Variants in MALRD1 observed in about 807,000 individuals in gnomAD.
MALRD1 encodes MAM and LDL-receptor class A domain-containing protein 1.
Under a neutral mutation model 242.1 loss-of-function variants are expected in MALRD1, and 247 were observed. The ratio of observed to expected loss-of-function variants is 1.02; its 90% CI spans 0.92 to 1.13. The LOEUF is 1.13. Among genes scored for constraint, MALRD1 ranks in the 50% most tolerant of loss-of-function variants. The pLI is 0.00. For synonymous variants in MALRD1, 995 were observed against 866.6 expected (o/e 1.15, Z -2.60); for missense variants, 2,989 against 2,533.1 (o/e 1.18, Z -3.86).
chr10:19,730,589 A>G (rs1564575964), intron 38 of MALRD1, 117 bp from the exon 39 acceptor site: 3 of 1,057,602 alleles, frequency 2.8e-6, no homozygotes, highest in Admixed American at 2.0e-5. Flanking sequence ...ATTCATGAAA[A>G]TAAGTGTGCT....
chr10:19,297,832 G>GA (rs993475108), intron 21 of MALRD1, among the ~76,000 whole-genome samples: 7 of 151,418 alleles, frequency 4.6e-5, no homozygotes, highest in Admixed American at 2.6e-4. Context: ...TCCAGAAAGG[G>GA]AAAAAAAAGG....
At chr10:19,130,441 A>G (rs1392603989) in intron 8 of MALRD1, among the ~76,000 whole-genome samples, 1 of 152,154 alleles carries the variant, frequency 6.6e-6, no homozygotes, top group African/African-American at 2.4e-5. Flanking sequence ...TTTAAATTAC[A>G]GTTCAAATGG....
rs573164849 is a variant in MALRD1, at chr10:19,255,501, G to A, written c.2992-2183G>A. On this transcript the variant is annotated intron_variant, in intron 18 of 39. Transcript: ENST00000454679. ...AAGACTAAAATATAGGGTTAAAGTA[G>A]GGTTAAACCTTAACAGTCATAACTT... is the stretch of plus-strand genomic sequence containing the variant. 5.3e-5 allele frequency among the ~76,000 whole-genome samples: 8 copies of A among 151,860 alleles called. No homozygotes were observed. The South Asian group carries it at 1.7e-3, about 32-fold the overall frequency.
chr10:19,135,291 A>G (rs1833292483), intron 9 of MALRD1, among the ~76,000 whole-genome samples: 1 of 152,064 alleles, frequency 6.6e-6, no homozygotes. Context: ...AGCAGCTGGG[A>G]CTACAGGCAT....
chr10:19,638,577 T>A (rs2131671810), intron 36 of MALRD1, among the ~76,000 whole-genome samples: 1 of 152,308 alleles, frequency 6.6e-6, no homozygotes, highest in East Asian at 1.9e-4. Context: ...AAGTGGAATG[T>A]CTAGAAGAAG....
At chr10:19,560,661 C>A (rs149375087) in intron 32 of MALRD1, among the ~76,000 whole-genome samples, 1 of 151,936 alleles carries the variant, frequency 6.6e-6, no homozygotes, top group Non-Finnish European at 1.5e-5. Flanking sequence ...TGTCTTTTGC[C>A]GGGACATGGA....
rs11443184 is a variant in MALRD1, at chr10:19,176,366, C to CTTTTTTTTTTTTTTTTTTTTTTTTTTT, written c.1951+1057_1951+1058insTTTTTTTTTTTTTTTTTTTTTTTTTTT. 1.7e-4 allele frequency among the ~76,000 whole-genome samples: 15 copies of CTTTTTTTTTTTTTTTTTTTTTTTTTTT among 87,302 alleles called. 2 individuals are homozygous for CTTTTTTTTTTTTTTTTTTTTTTTTTTT. The highest frequency in any genetic ancestry group is 3.0e-4 in the South Asian group (1 of 3,348). The allele number at this position is 87,302 out of a possible 152,430, so 57.3% of individuals were successfully genotyped here. On this transcript the variant is annotated intron_variant, in intron 14 of 39. Transcript: ENST00000454679. ...TCGAGAGAGTGTATATTTCTGGGTG[C>CTTTTTTTTTTTTTTTTTTTTTTTTTTT]TTTTTTTTTTTTTTTTTTTGAGACG... is the stretch of plus-strand genomic sequence containing the variant.
chr10:19,245,378 C>T (rs1159209501), intron 18 of MALRD1, among the ~76,000 whole-genome samples: 1 of 152,008 alleles, frequency 6.6e-6, no homozygotes, highest in East Asian at 1.9e-4. Flanking sequence ...CCTCAATAGA[C>T]TAGGGAAAAC....
At chr10:19,082,527 A>T (rs944754500) in intron 2 of MALRD1, among the ~76,000 whole-genome samples, 1 of 151,946 alleles carries the variant, frequency 6.6e-6, no homozygotes, top group East Asian at 1.9e-4. Flanking sequence ...CTTTGAAAAC[A>T]TTTGACATAG....
In MALRD1 at chr10:19,510,916, G is replaced by A. The variant is rs1052259210; in HGVS notation, c.5320+12270G>A. ...GTTTCTATACCAGATGTATTTATCC[G>A]TGTGCAGCAAGAGGTGTTAGCTACT... On this transcript the variant is annotated intron_variant, in intron 31 of 39. Coordinates refer to ENST00000454679, the MANE Select transcript of MALRD1 (RefSeq NM_001142308.3). Among the ~76,000 whole-genome samples, 6 of 152,158 alleles carry A rather than the reference G, an allele frequency of 3.9e-5. No homozygotes were observed. The South Asian group carries it at 6.2e-4, about 16-fold the overall frequency.
In MALRD1 at chr10:19,531,308, T is replaced by C. The variant is rs1249023718; in HGVS notation, c.5435T>C (p.Phe1812Ser). Residue 1812 changes from phenylalanine to serine, a missense_variant, in exon 32 of 40, where the codon TTC (phenylalanine) becomes TCC (serine). By Grantham distance (155) the Phe-to-Ser change is radical. Transcript: ENST00000454679. ...PASLGMCTVR[F>S]WFYMIDPRSM... ...AGCCTTGGAATGTGTACTGTTCGGT[T>C]CTGGTTCTACATGATTGATCCCAGG... 7.1e-6 allele frequency: 11 copies of C among 1,549,678 alleles called. No homozygotes were observed. The Admixed American group carries it at 2.0e-4, about 28-fold the overall frequency.
At chr10:19,732,270 T>C (rs988450002) in intron 39 of MALRD1, among the ~76,000 whole-genome samples, 6 of 152,206 alleles carry the variant, frequency 3.9e-5, no homozygotes, top group African/African-American at 1.4e-4. Context: ...CTATTATTTA[T>C]TTATTTTTTG....
chr10:19,366,850 C>G (rs1313594903), intron 26 of MALRD1, among the ~76,000 whole-genome samples: 1 of 152,114 alleles, frequency 6.6e-6, no homozygotes, highest in Non-Finnish European at 1.5e-5. Context: ...TATAATCTCA[C>G]TGGCAAATTT....
At chr10:19,210,231 T>C (rs1836989588) in intron 18 of MALRD1, among the ~76,000 whole-genome samples, 1 of 152,194 alleles carries the variant, frequency 6.6e-6, no homozygotes, top group Non-Finnish European at 1.5e-5. Flanking sequence ...CTCAAATGCG[T>C]ATGTGGCTGT....
intron 1 of MALRD1, among the ~76,000 whole-genome samples, chr10:19,055,733 CACTT>C (rs1834644234): frequency 6.6e-6 from 1 of 152,086 alleles, no homozygotes; most frequent in South Asian, 2.1e-4. Flanking sequence ...GGTTGATAGA[CACTT>C]AATACAGGAA....
intron 32 of MALRD1, among the ~76,000 whole-genome samples, chr10:19,544,300 G>A (rs1043384609): frequency 5.9e-5 from 9 of 152,012 alleles, no homozygotes; most frequent in African/African-American, 2.2e-4. Flanking sequence ...CGATTCTCCT[G>A]CCTCAGCCTC....
intron 14 of MALRD1, among the ~76,000 whole-genome samples, chr10:19,175,864 A>G (rs1318363305): frequency 6.6e-6 from 1 of 152,134 alleles, no homozygotes; most frequent in South Asian, 2.1e-4. Flanking sequence ...CTTTGACTAA[A>G]TTTTTTGGAG....
chr10:19,556,164 GAACA>G (rs760110949), intron 32 of MALRD1, among the ~76,000 whole-genome samples: 11 of 152,100 alleles, frequency 7.2e-5, no homozygotes, highest in South Asian at 2.1e-4. Flanking sequence ...TGAGTGGAAA[GAACA>G]AACAGTTTTC....
At chr10:19,220,424 A>G (rs552129227) in intron 18 of MALRD1, among the ~76,000 whole-genome samples, 20 of 152,210 alleles carry the variant, frequency 1.3e-4, no homozygotes, top group Non-Finnish European at 2.8e-4. Flanking sequence ...TACACTGAGC[A>G]TATTACAGAC....
Sources: gnomAD v4.1 joint callset for allele counts (sites outside exome capture counted in the v4.1 genomes callset) on GRCh38, gnomAD v4.1.1 for gene constraint, MANE v1.5 for transcripts, NCBI Gene and HGNC (gene_info 2026-07-23, HGNC 2026-07-21) for gene names.